The following SYCP2 variants were observed in gnomAD, a reference collection of about 807,000 sequenced individuals.
SYCP2 encodes the protein synaptonemal complex protein 2, also known as synaptonemal complex lateral element protein.
In SYCP2, 55 loss-of-function variants were observed where a neutral mutation model predicts 211.3. The observed-to-expected ratio is 0.26, with a 90% CI of 0.21 to 0.33. The LOEUF (loss-of-function observed/expected upper bound fraction) is 0.33, where lower values mean the gene tolerates loss of function less well. SYCP2 is among the 10% of genes least tolerant of loss of function. The pLI, the probability that SYCP2 is intolerant of heterozygous loss-of-function variation, is 1.00. For synonymous variants in SYCP2, 570 were observed against 555.2 expected (o/e 1.03, Z -0.37); for missense variants, 1,731 against 1,752.0 (o/e 0.99, Z 0.21).
rs1002064935 is a variant in SYCP2, at chr20:59,863,879, T to TC, written c.*431dup. 6.6e-6 allele frequency: 1 copy of TC among 152,352 alleles called. No individual in the cohort carries two copies. Among genetic ancestry groups the TC allele is most frequent in the African/African-American group, 2.4e-5 (1 of 41,416 alleles). 9.4% of individuals were successfully genotyped at this position (152,352 alleles called of 1,614,324 possible). ...TATACATTTTAAACTAGGGACTTCC[T>TC]CCCCCTTGTAAGTGTGGCTAAATTT... On this transcript the variant is annotated 3_prime_UTR_variant, in exon 45 of 45. Coordinates refer to ENST00000357552, the MANE Select transcript of SYCP2 (RefSeq NM_014258.4).
At chr20:59,908,591 G>A (rs2060256177) in intron 14 of SYCP2, among the ~76,000 whole-genome samples, 1 of 152,060 alleles carries the variant, frequency 6.6e-6, no homozygotes, top group African/African-American at 2.4e-5. Context: ...ACTTAAAACT[G>A]ATTCTTCCTT....
At chr20:59,932,863 G>A (rs1001866237) in intron 1 of SYCP2, among the ~76,000 whole-genome samples, 6 of 152,138 alleles carry the variant, frequency 3.9e-5, no homozygotes, top group South Asian at 2.1e-4. Flanking sequence ...GGTGGGGACG[G>A]CGGGAGGGAG....
At chr20:59,898,982 T>TA (rs2060064991) in intron 18 of SYCP2, among the ~76,000 whole-genome samples, 2 of 152,132 alleles carry the variant, frequency 1.3e-5, no homozygotes. Flanking sequence ...GAGCCAAAAT[T>TA]TATTCAGTCA....
chr20:59,898,943 A>G (rs906471849), intron 18 of SYCP2, among the ~76,000 whole-genome samples: 1 of 152,224 alleles, frequency 6.6e-6, no homozygotes, highest in Non-Finnish European at 1.5e-5. Context: ...TAGAAAAGGT[A>G]AAATTAAATT....
intron 32 of SYCP2, 97 bp downstream of exon 32, chr20:59,877,911 T>A (rs993506696): frequency 6.4e-5 from 63 of 979,758 alleles, no homozygotes; most frequent in Non-Finnish European, 9.1e-5. Context: ...AACACATAAC[T>A]GATAACAAGG....
chr20:59,889,471 T>C (rs189203049), intron 24 of SYCP2, among the ~76,000 whole-genome samples: 4 of 151,986 alleles, frequency 2.6e-5, no homozygotes, highest in Admixed American at 6.6e-5. Flanking sequence ...TAAAGTCCAA[T>C]AGTATTCTTA....
At chr20:59,895,965 A>G (rs1022923289) in intron 19 of SYCP2, among the ~76,000 whole-genome samples, 7 of 152,092 alleles carry the variant, frequency 4.6e-5, no homozygotes, top group African/African-American at 7.2e-5. Context: ...AGCTCTTAGT[A>G]TGTATCAGGC....
At chr20:59,902,584 T>G (rs1422728914) in intron 15 of SYCP2, among the ~76,000 whole-genome samples, 2 of 152,130 alleles carry the variant, frequency 1.3e-5, no homozygotes, top group Non-Finnish European at 2.9e-5. Flanking sequence ...TAGGGAAATT[T>G]ATCTCTACAT....
intron 14 of SYCP2, among the ~76,000 whole-genome samples, chr20:59,910,309 A>C (rs2075872298): frequency 6.6e-6 from 1 of 151,722 alleles, no homozygotes; most frequent in African/African-American, 2.4e-5. Context: ...CACACTAGGC[A>C]TTAAATACTT....
Position 59,911,736 on chromosome 20 carries a change from C to T in SYCP2, c.972+14G>A. 1.4e-6 allele frequency: 2 copies of T among 1,385,482 alleles called. No homozygotes were observed. Among genetic ancestry groups the T allele is most frequent in the South Asian group, 1.3e-5 (1 of 74,192 alleles). 85.8% of individuals were successfully genotyped at this position (1,385,482 alleles called of 1,614,324 possible). ...CATATACATAAAGAATAATACCAAC[C>T]AAATTAAACTTACATCATTATCTCC... On this transcript the variant is annotated intron_variant, in intron 14 of 44. Coordinates refer to ENST00000357552, the MANE Select transcript of SYCP2 (RefSeq NM_014258.4).
chr20:59,930,279 T>C (rs1479344978), intron 2 of SYCP2, among the ~76,000 whole-genome samples: 1 of 152,212 alleles, frequency 6.6e-6, no homozygotes, highest in Non-Finnish European at 1.5e-5. Context: ...AAAAAAATGC[T>C]TAAAGAAGTC....
intron 5 of SYCP2, 22 bp downstream of exon 5, chr20:59,920,337 A>G: frequency 6.5e-7 from 1 of 1,547,484 alleles, no homozygotes. Flanking sequence ...TCACATGAAT[A>G]TGTTACATAT....
chr20:59,880,564 AAAAC>A, intron 30 of SYCP2, 93 bp from the exon 31 acceptor site: 1 of 713,914 alleles, frequency 1.4e-6, no homozygotes, highest in Non-Finnish European at 2.1e-6. Context: ...ACAACAAAAA[AAAAC>A]AAAACCCAAA....
At chr20:59,924,915 A>C (rs2060607395) in intron 2 of SYCP2, among the ~76,000 whole-genome samples, 1 of 152,046 alleles carries the variant, frequency 6.6e-6, no homozygotes, top group African/African-American at 2.4e-5. Flanking sequence ...TAATCTTTTC[A>C]ATTAATCTAT....
At chr20:59,907,531 C>T in intron 14 of SYCP2, 107 bp from the exon 15 acceptor site, 1 of 801,040 alleles carries the variant, frequency 1.2e-6, no homozygotes, top group Non-Finnish European at 2.0e-6. Context: ...TTTTGCTAGT[C>T]ACTAAGTAAC....
chr20:59,882,199 G>T (rs1049342585), intron 26 of SYCP2, 34 bp from the exon 27 acceptor site: 1 of 1,487,310 alleles, frequency 6.7e-7, no homozygotes, highest in South Asian at 1.2e-5. Flanking sequence ...TCATTAAATG[G>T]CTAACAGGTA....
chr20:59,876,205 T>A (rs185929420), intron 33 of SYCP2, among the ~76,000 whole-genome samples: 1 of 150,998 alleles, frequency 6.6e-6, no homozygotes, highest in African/African-American at 2.4e-5. Flanking sequence ...ACCCAGTCTC[T>A]ACTAAAAATA....
chr20:59,922,453 T>C lies in SYCP2; in HGVS notation c.-40A>G, dbSNP rs2060559198. On this transcript the variant is annotated 5_prime_UTR_variant, in exon 3 of 45. Transcript: ENST00000357552. ...AAAAAAAAAAAAAAGCAAGACAAAATAAACACCTATAAAAGAAAACATATA... is the reference window on the plus strand; with the variant it reads ...AAAAAAAAAAAAAAGCAAGACAAAACAAACACCTATAAAAGAAAACATATA... 2 of 1,372,354 alleles carry C rather than the reference T, an allele frequency of 1.5e-6. No individual in the cohort carries two copies. Among genetic ancestry groups the C allele is most frequent in the Non-Finnish European group, 1.0e-6 (1 of 996,118 alleles). The allele number at this position is 1,372,354 out of a possible 1,614,324, so 85.0% of individuals were successfully genotyped here. A position where few individuals can be genotyped will look rare whatever the true frequency, so the allele number is the denominator to read the frequency against.
In SYCP2 at chr20:59,900,040, A is replaced by G. The variant is rs750451715; in HGVS notation, c.1404+98T>C. The stretch of plus-strand genomic sequence containing the variant: ...TCTGAAATGTGATTGATCAAGGCCA[A>G]TAATATATAAATTCTAGATGCTTCT... On this transcript the variant is annotated intron_variant, in intron 18 of 44. Transcript: ENST00000357552. 9 of 1,285,902 alleles carry G rather than the reference A, an allele frequency of 7.0e-6. No homozygotes were observed. In the East Asian group the frequency reaches 9.3e-5, roughly 13 times the overall value. 79.7% of individuals were successfully genotyped at this position (1,285,902 alleles called of 1,614,324 possible). A position where few individuals can be genotyped will look rare whatever the true frequency, so the allele number is the denominator to read the frequency against.
Sources: allele counts gnomAD v4.1 joint callset (sites outside exome capture counted in the v4.1 genomes callset), GRCh38; gene constraint gnomAD v4.1.1; transcripts MANE v1.5; gene names NCBI Gene and HGNC (gene_info 2026-07-23, HGNC 2026-07-21).